PLPPR5: variants seen among roughly 807,000 people sequenced by gnomAD.
PLPPR5 encodes the protein phospholipid phosphatase related 5.
A neutral mutation model predicts 33.9 loss-of-function variants in PLPPR5; 16 were observed. The ratio of observed to expected loss-of-function variants is 0.47; its 90% CI spans 0.32 to 0.72. PLPPR5 has a LOEUF of 0.72. PLPPR5 is among the 30% of genes least tolerant of loss of function. PLPPR5 has a pLI of 0.03. For missense variants in PLPPR5, 301 were observed against 406.7 expected (o/e 0.74, Z 2.23); for synonymous variants, 163 against 150.3 (o/e 1.08, Z -0.62).
At chr1:98,914,198 C>T (rs112018246) in intron 5 of PLPPR5, among the ~76,000 whole-genome samples, 2,692 of 152,298 alleles carry the variant, frequency 0.018, 87 homozygotes, top group African/African-American at 0.061. Flanking sequence ...GAGACCAGTA[C>T]ACAATGTTCC....
rs941886960 is a variant in PLPPR5, at chr1:98,974,095, G to T, written c.238-17354C>A. Among the ~76,000 whole-genome samples the T allele has an allele frequency of 2.6e-5, 4 of 151,924 alleles. No homozygotes were observed. In the South Asian group the frequency reaches 8.3e-4, roughly 32 times the overall value. ...GAGAAAAGAGCAAAGGGAAAGGAAG[G>T]CTCCAAAGTCCATTTTTAGATCACT... On this transcript the variant is annotated intron_variant, in intron 1 of 5. Transcript: ENST00000263177.
At chr1:98,914,652 C>T (rs188227363) in intron 5 of PLPPR5, 134 bp downstream of exon 5, 2 of 775,440 alleles carry the variant, frequency 2.6e-6, no homozygotes, top group Non-Finnish European at 3.8e-6. Context: ...TCTTTAGTGG[C>T]TAAATTCTTG....
intron 1 of PLPPR5, among the ~76,000 whole-genome samples, chr1:98,969,089 T>A (rs1651555349): frequency 6.6e-6 from 1 of 152,120 alleles, no homozygotes; most frequent in Non-Finnish European, 1.5e-5. Context: ...TTGTCCAGTG[T>A]TTTCCAAACT....
In PLPPR5 at chr1:98,900,361, G is replaced by A. The variant is rs190740057; in HGVS notation, c.934-7257C>T. Among the ~76,000 whole-genome samples the A allele has an allele frequency of 3.6e-3, 548 of 152,112 alleles. 2 individuals are homozygous for A. Among genetic ancestry groups the A allele is most frequent in the African/African-American group, 0.013 (523 of 41,506 alleles). On this transcript the variant is annotated intron_variant, in intron 5 of 5. Transcript: ENST00000263177. Reference sequence around the variant, plus strand: ...TCATGGTCCTGAAGATCTCCCCTAAGATGACGTTTCAAGCATTGCTAAGTT... The same window carrying A: ...TCATGGTCCTGAAGATCTCCCCTAAAATGACGTTTCAAGCATTGCTAAGTT...
chr1:98,933,246 G>C (rs1039186167), intron 3 of PLPPR5, among the ~76,000 whole-genome samples: 1 of 151,930 alleles, frequency 6.6e-6, no homozygotes, highest in African/African-American at 2.4e-5. Context: ...AGCACTTTGG[G>C]AGGCTGAGGT....
At chr1:98,990,406 A>T (rs1193946961) in intron 1 of PLPPR5, among the ~76,000 whole-genome samples, 2 of 152,054 alleles carry the variant, frequency 1.3e-5, no homozygotes, top group African/African-American at 4.8e-5. Context: ...ACAAAAAAAG[A>T]AAAAGCACAT....
At position 98,965,816 on chromosome 1, in the gene PLPPR5, T is replaced by A. The variant is rs565918280; in HGVS notation, c.238-9075A>T. Among the ~76,000 whole-genome samples, 477 of 152,356 alleles carry A rather than the reference T, an allele frequency of 3.1e-3. 4 individuals carry two copies. Among genetic ancestry groups the A allele is most frequent in the Non-Finnish European group, 5.6e-3 (382 of 68,038 alleles). On this transcript the variant is annotated intron_variant, in intron 1 of 5. Transcript: ENST00000263177. Reference sequence around the variant, plus strand: ...GTGGTAACTCAAAGATATCCATGCATCATTGATTTGAAATTGGTACAAGAA... The same window carrying A: ...GTGGTAACTCAAAGATATCCATGCAACATTGATTTGAAATTGGTACAAGAA...
chr1:98,915,380 TAGC>T (rs1007137647), intron 4 of PLPPR5, among the ~76,000 whole-genome samples: 5 of 152,264 alleles, frequency 3.3e-5, no homozygotes, highest in Admixed American at 6.5e-5. Flanking sequence ...CTCTCTAACT[TAGC>T]AGCATCCCTT....
chr1:98,895,175 A>G (rs1355673886), intron 5 of PLPPR5, among the ~76,000 whole-genome samples: 3 of 152,052 alleles, frequency 2.0e-5, no homozygotes, highest in African/African-American at 4.8e-5. Context: ...TGATTAGACC[A>G]CTAGAGTGTT....
intron 4 of PLPPR5, among the ~76,000 whole-genome samples, chr1:98,916,938 A>T (rs985548510): frequency 6.6e-6 from 1 of 152,186 alleles, no homozygotes; most frequent in Non-Finnish European, 1.5e-5. Flanking sequence ...TCTATACATT[A>T]TCAGACAGTT....
intron 2 of PLPPR5, among the ~76,000 whole-genome samples, chr1:98,953,648 G>A (rs1234039531): frequency 6.6e-6 from 1 of 152,092 alleles, no homozygotes; most frequent in Non-Finnish European, 1.5e-5. Flanking sequence ...TGTGTTCCTT[G>A]AGAGGGTATA....
rs1415728677 is a variant in PLPPR5 at position 98,891,198 on chromosome 1, G to T, written c.*1874C>A. 1 of 152,030 alleles carries T rather than the reference G, an allele frequency of 6.6e-6. No homozygotes were observed. The highest frequency in any genetic ancestry group is 1.5e-5 in the Non-Finnish European group (1 of 68,002). The allele number at this position is 152,030 out of a possible 1,614,324, so 9.4% of individuals were successfully genotyped here. A position where few individuals can be genotyped will look rare whatever the true frequency, so the allele number is the denominator to read the frequency against. ...CCAACAGGACTGAATTGCTCTAGAG[G>T]TCTGAAATTAGTAGAAATTTTCTTT... On this transcript the variant is annotated 3_prime_UTR_variant, in exon 6 of 6. Transcript: ENST00000263177.
intron 3 of PLPPR5, among the ~76,000 whole-genome samples, chr1:98,926,878 A>G (rs2101169466): frequency 6.6e-6 from 1 of 152,326 alleles, no homozygotes; most frequent in South Asian, 2.1e-4. Flanking sequence ...TTGTTAAGCC[A>G]ACCGTGTAAT....
At chr1:98,901,910 A>C (rs1011151389) in intron 5 of PLPPR5, among the ~76,000 whole-genome samples, 7 of 152,106 alleles carry the variant, frequency 4.6e-5, no homozygotes, top group Non-Finnish European at 1.5e-5. Context: ...TAATGGTTAG[A>C]GAATTTATAT....
rs375789052 is a variant in PLPPR5 at position 98,975,012 on chromosome 1, C to T, written c.238-18271G>A. 1.3e-4 allele frequency among the ~76,000 whole-genome samples: 20 copies of T among 152,136 alleles called. No individual in the cohort carries two copies. The East Asian group carries it at 1.6e-3, about 12-fold the overall frequency. On this transcript the variant is annotated intron_variant, in intron 1 of 5. Coordinates refer to ENST00000263177, the MANE Select transcript of PLPPR5 (RefSeq NM_001037317.2). ...TTAACACCCATCTGCTCCTAGATTC[C>T]TGGGAGCTATGTTCTACCCACCTAC...
chr1:98,963,401 C>G (rs991996362), intron 1 of PLPPR5, among the ~76,000 whole-genome samples: 2 of 152,262 alleles, frequency 1.3e-5, no homozygotes, highest in African/African-American at 4.8e-5. Flanking sequence ...GATTGCATAA[C>G]ATTTATCTTT....
intron 1 of PLPPR5, among the ~76,000 whole-genome samples, chr1:98,983,333 C>G (rs930851790): frequency 3.8e-5 from 5 of 132,784 alleles, no homozygotes; most frequent in Non-Finnish European, 6.4e-5. Flanking sequence ...TGAGAATATG[C>G]GGTGTTTGGT....
chr1:98,915,843 A>G (rs918096122), intron 4 of PLPPR5, among the ~76,000 whole-genome samples: 4 of 152,194 alleles, frequency 2.6e-5, no homozygotes, highest in Non-Finnish European at 4.4e-5. Context: ...CAGGTGAATC[A>G]TATTTAAGAA....
intron 3 of PLPPR5, among the ~76,000 whole-genome samples, chr1:98,945,598 C>G (rs1004940598): frequency 9.9e-5 from 15 of 152,116 alleles, no homozygotes; most frequent in Non-Finnish European, 1.6e-4. Flanking sequence ...CTGGACAAGT[C>G]AACTAGCTTC....
Sources: gnomAD v4.1 joint callset for allele counts (sites outside exome capture counted in the v4.1 genomes callset) on GRCh38, gnomAD v4.1.1 for gene constraint, MANE v1.5 for transcripts, NCBI Gene and HGNC (gene_info 2026-07-23, HGNC 2026-07-21) for gene names.